The following TFDP1 variants were observed in gnomAD, a reference collection of about 807,000 sequenced individuals.
The protein encoded by TFDP1 is transcription factor Dp-1.
In TFDP1, 6 loss-of-function variants were observed where a neutral mutation model predicts 48.0. The observed-to-expected ratio is 0.13, with a 90% CI of 0.07 to 0.25. TFDP1 has a LOEUF of 0.25. Among genes scored for constraint, TFDP1 ranks in the 10% least tolerant of loss-of-function variants. TFDP1 has a pLI of 1.00. For synonymous variants in TFDP1, 201 were observed against 211.6 expected (o/e 0.95, Z 0.44); for missense variants, 335 against 543.0 (o/e 0.62, Z 3.81).
At chr13:113,593,903 G>C (rs1226162368) in intron 2 of TFDP1, among the ~76,000 whole-genome samples, 2 of 147,242 alleles carry the variant, frequency 1.4e-5, no homozygotes, top group African/African-American at 5.0e-5. Context: ...TGACAGGTGT[G>C]GTGTGTGCGG....
In TFDP1 at chr13:113,640,909, G is replaced by A. The variant is rs1431618838; in HGVS notation, c.*642G>A. The A allele has an allele frequency of 6.5e-6, 1 of 152,872 alleles. No homozygotes were observed. The highest frequency in any genetic ancestry group is 1.5e-5 in the Non-Finnish European group (1 of 68,272). 9.5% of individuals were successfully genotyped at this position (152,872 alleles called of 1,614,324 possible). Reference sequence around the variant, plus strand: ...TCTCCCTGTTTTGCAGCAACAAATTGCGAAGTGCTTTTGTTTGTTTGTTTT... The same window carrying A: ...TCTCCCTGTTTTGCAGCAACAAATTACGAAGTGCTTTTGTTTGTTTGTTTT... On this transcript the variant is annotated 3_prime_UTR_variant, in exon 12 of 12. Transcript: ENST00000375370.
rs1052496268 is a variant in TFDP1 at position 113,637,547 on chromosome 13, C to A, written c.1007-271C>A. Reference sequence around the variant, plus strand: ...TTTCACGATGGGTATGATACTGAGGCAGCAGCACACGTGTGCCGTTTGTAA... The same window carrying A: ...TTTCACGATGGGTATGATACTGAGGAAGCAGCACACGTGTGCCGTTTGTAA... On this transcript the variant is annotated intron_variant, in intron 10 of 11. Coordinates refer to ENST00000375370, the MANE Select transcript of TFDP1 (RefSeq NM_007111.5). The A allele has an allele frequency of 3.6e-6, 5 of 1,401,604 alleles. No individual in the cohort carries two copies. The African/African-American group carries it at 5.7e-5, about 16-fold the overall frequency. 86.8% of individuals were successfully genotyped at this position (1,401,604 alleles called of 1,614,324 possible). A position where few individuals can be genotyped will look rare whatever the true frequency, so the allele number is the denominator to read the frequency against.
rs529441724 is a variant in TFDP1 at position 113,627,362 on chromosome 13, C to T, written c.186+4076C>T. On this transcript the variant is annotated intron_variant, in intron 4 of 11. Transcript: ENST00000375370. The surrounding 1 kb of genome is among the most constrained non-coding windows in gnomAD (Gnocchi z 4.1). ...ATATGTGCTCAGCCGGCAGGAGCAG[C>T]GGCCTGTGTGAGCCCCTGGGGAGAA... Among the ~76,000 whole-genome samples, 3 of 152,160 alleles carry T rather than the reference C, an allele frequency of 2.0e-5. No homozygotes were observed. The highest frequency in any genetic ancestry group is 6.5e-5 in the Admixed American group (1 of 15,278).
intron 4 of TFDP1, among the ~76,000 whole-genome samples, chr13:113,629,687 G>C (rs2049281994): frequency 6.6e-6 from 1 of 152,204 alleles, no homozygotes; most frequent in Admixed American, 6.5e-5. Context: ...AGAGGTGGAT[G>C]ACGTGCATTT....
At chr13:113,634,401 A>G (rs2049417848) in intron 7 of TFDP1, 133 bp from the exon 8 acceptor site, 1 of 768,182 alleles carries the variant, frequency 1.3e-6, no homozygotes, top group African/African-American at 1.7e-5. Context: ...CTATGTCTAG[A>G]TTTGTCCATA....
chr13:113,625,823 CCTCAGGTG>C, intron 4 of TFDP1, among the ~76,000 whole-genome samples: 1 of 127,584 alleles, frequency 7.8e-6, no homozygotes, highest in Admixed American at 8.4e-5. Context: ...TCTCACGCGT[CCTCAGGTG>C]TCTCACGCGT....
rs372472976 is a variant in TFDP1, at chr13:113,599,636, C to A, written c.13-11360C>A. On this transcript the variant is annotated intron_variant, in intron 2 of 11. Coordinates refer to ENST00000375370, the MANE Select transcript of TFDP1 (RefSeq NM_007111.5). ...CCCCCCTGCCCTGTTGGATCAGTGT[C>A]CTGATAGCCAGTCCCCACGGCGAGC... Among the ~76,000 whole-genome samples the A allele has an allele frequency of 2.6e-4, 40 of 152,288 alleles. 2 individuals carry two copies. In the South Asian group the frequency reaches 8.3e-3, roughly 32 times the overall value.
chr13:113,613,007 G>A (rs1436473827), intron 3 of TFDP1, among the ~76,000 whole-genome samples: 1 of 127,718 alleles, frequency 7.8e-6, no homozygotes, highest in African/African-American at 3.5e-5. Flanking sequence ...CCACCGCACA[G>A]ACGGTGGTTT....
intron 2 of TFDP1, among the ~76,000 whole-genome samples, chr13:113,601,998 G>T (rs1264858372): frequency 6.6e-6 from 1 of 151,970 alleles, no homozygotes; most frequent in African/African-American, 2.4e-5. Context: ...GGAGCTACCC[G>T]CAGGAGTCGA....
At chr13:113,591,823 G>C (rs1490722166) in intron 2 of TFDP1, among the ~76,000 whole-genome samples, 2 of 152,198 alleles carry the variant, frequency 1.3e-5, no homozygotes, top group Admixed American at 6.5e-5. Context: ...GTCAGCGTTG[G>C]CTGAATTAGA....
chr13:113,637,774 G>GT (rs868380624), intron 10 of TFDP1, 44 bp from the exon 11 acceptor site: 5 of 1,614,208 alleles, frequency 3.1e-6, no homozygotes, highest in Non-Finnish European at 4.2e-6. Context: ...GTCTTGTGTT[G>GT]TTTCTGTTTC....
intron 3 of TFDP1, among the ~76,000 whole-genome samples, chr13:113,622,469 T>C (rs2049018932): frequency 2.0e-5 from 3 of 152,346 alleles, no homozygotes; most frequent in African/African-American, 7.2e-5. Context: ...CCCAGGGTGC[T>C]CGCTACCACC....
chr13:113,634,342 G>A (rs1410182834), intron 7 of TFDP1, 192 bp from the exon 8 acceptor site: 1 of 636,048 alleles, frequency 1.6e-6, no homozygotes. Context: ...AGGGGAGAAG[G>A]TATAGTTTAG....
At chr13:113,596,815 T>C (rs2048300232) in intron 2 of TFDP1, among the ~76,000 whole-genome samples, 1 of 152,230 alleles carries the variant, frequency 6.6e-6, no homozygotes, top group Non-Finnish European at 1.5e-5. Flanking sequence ...GTGGTTCCAG[T>C]GGCATTTATC....
At position 113,636,659 on chromosome 13, in the gene TFDP1, C is replaced by T; in HGVS notation, c.965C>T (p.Ala322Val). 6.2e-7 allele frequency: 1 copy of T among 1,614,162 alleles called. No individual in the cohort carries two copies. The highest frequency in any genetic ancestry group is 1.3e-5 in the African/African-American group (1 of 75,052). ...TGCTCTGCCGAAGACCTTAAAATGG[C>T]CAGAAGTCTGGTCCCCAAGGCTCTG... is the stretch of plus-strand genomic sequence containing the variant. Reference protein sequence around the residue: ...GSCSAEDLKMARSLVPKALEP... With the variant: ...GSCSAEDLKMVRSLVPKALEP... The change falls in exon 10 of 12, where the codon GCC (alanine) becomes GTC (valine). Residue 322 changes from alanine (A) to valine (V), a missense_variant. By Grantham distance (64) the Ala-to-Val change is moderately conservative. Coordinates refer to ENST00000375370, the MANE Select transcript of TFDP1 (RefSeq NM_007111.5).
In TFDP1 at chr13:113,623,823, G is replaced by A. The variant is rs1333008412; in HGVS notation, c.186+537G>A. On this transcript the variant is annotated intron_variant, in intron 4 of 11. Transcript: ENST00000375370. The surrounding 1 kb of genome is among the most constrained non-coding windows in gnomAD (Gnocchi z 5.2). ...GAAGTGGCGCATCCCCCCTCCCCAG[G>A]CTGATGCTGGCCAACTGATGCTGCT... 6.6e-6 allele frequency among the ~76,000 whole-genome samples: 1 copy of A among 152,190 alleles called. No homozygotes were observed. Among genetic ancestry groups the A allele is most frequent in the Non-Finnish European group, 1.5e-5 (1 of 68,024 alleles).
intron 4 of TFDP1, among the ~76,000 whole-genome samples, chr13:113,629,318 C>CG (rs1335601017): frequency 6.6e-6 from 1 of 152,204 alleles, no homozygotes; most frequent in Admixed American, 6.5e-5. Flanking sequence ...ACTGGTGGCT[C>CG]GTTCTCAGGG....
chr13:113,597,785 G>A (rs1457408522), intron 2 of TFDP1, among the ~76,000 whole-genome samples: 1 of 152,258 alleles, frequency 6.6e-6, no homozygotes, highest in East Asian at 1.9e-4. Context: ...CCATTGCCGT[G>A]TGTCCAATGT....
intron 2 of TFDP1, among the ~76,000 whole-genome samples, chr13:113,589,375 T>G (rs1476036158): frequency 6.6e-6 from 1 of 152,130 alleles, no homozygotes; most frequent in Non-Finnish European, 1.5e-5. Context: ...CTTACAGAAA[T>G]TTATGATCAA....
Sources: gnomAD v4.1 joint callset for allele counts (sites outside exome capture counted in the v4.1 genomes callset) on GRCh38, gnomAD v4.1.1 for gene constraint, Gnocchi (gnomAD v3.1) non-coding constraint, MANE v1.5 for transcripts, NCBI Gene and HGNC (gene_info 2026-07-23, HGNC 2026-07-21) for gene names.